Variants in PDPR observed in about 807,000 individuals in gnomAD.
The protein encoded by PDPR is pyruvate dehydrogenase phosphatase regulatory subunit, mitochondrial.
PDPR carries 50 observed loss-of-function variants against 102.2 expected under a neutral mutation model. That is an observed-to-expected ratio of 0.49 (90% CI 0.39 to 0.62). PDPR has a LOEUF of 0.62. PDPR is among the 20% of genes least tolerant of loss of function. The probability of loss-of-function intolerance (pLI) is 0.00; values close to 1 mark genes in which losing one functional copy is unlikely to be tolerated. For synonymous variants in PDPR, 259 were observed against 406.0 expected, an observed-to-expected ratio of 0.64 and a Z score of 4.35; for missense variants, 625 against 1,098.2, an observed-to-expected ratio of 0.57 and a Z score of 6.09.
Position 70,156,538 on chromosome 16 carries a change from C to T in PDPR, c.2299C>T (p.Leu767Phe), listed in dbSNP as rs760767822. The change falls in exon 19 of 19, where the codon CTC becomes TTC. Residue 767 changes from leucine to phenylalanine, a missense_variant. Leu to Phe is a conservative substitution (Grantham distance 22). Coordinates refer to ENST00000288050, the MANE Select transcript of PDPR (RefSeq NM_017990.5). ...QQKQNGVYKR[L>F]TMFILDDHDS... ...GAAGCAGAATGGAGTGTATAAACGC[C>T]TCACCATGTTCATCCTGGACGACCA... 6.8e-6 allele frequency: 11 copies of T among 1,613,980 alleles called. No homozygotes were observed. Among genetic ancestry groups the T allele is most frequent in the East Asian group, 2.2e-5 (1 of 44,904 alleles).
chr16:70,152,790 T>C (rs1243463797), intron 17 of PDPR, among the ~76,000 whole-genome samples: 2 of 152,406 alleles, frequency 1.3e-5, no homozygotes, highest in Non-Finnish European at 2.9e-5. Flanking sequence ...AAACCTTCTG[T>C]TCACTGATCT....
chr16:70,131,876 T>TA (rs1420150248), intron 8 of PDPR: 7 of 1,442,948 alleles, frequency 4.9e-6, no homozygotes, highest in African/African-American at 4.3e-5. Context: ...CAGTGGGAGT[T>TA]ACGTGGTTTG....
In PDPR at chr16:70,136,435, G is replaced by A. The variant is rs776578580; in HGVS notation, c.1190+49G>A. On this transcript the variant is annotated intron_variant, in intron 10 of 18. Transcript: ENST00000288050. ...AGCTGTGAACATAAGTCAACTTGCT[G>A]GGTCTCTTCCCTTCTAGAATTACTT... 32 of 1,362,980 alleles carry A rather than the reference G, an allele frequency of 2.3e-5. 1 individual carries two copies. The Admixed American group carries it at 6.1e-4, about 26-fold the overall frequency. 84.4% of individuals were successfully genotyped at this position (1,362,980 alleles called of 1,614,324 possible). A position where few individuals can be genotyped will look rare whatever the true frequency, so the allele number is the denominator to read the frequency against.
chr16:70,147,304 T>A lies in PDPR; in HGVS notation c.1962+1076T>A, dbSNP rs1333947385. Among the ~76,000 whole-genome samples, 5 of 151,378 alleles carry A rather than the reference T, an allele frequency of 3.3e-5. No individual in the cohort carries two copies. The East Asian group carries it at 9.7e-4, about 29-fold the overall frequency. On this transcript the variant is annotated intron_variant, in intron 16 of 18. Transcript: ENST00000288050. ...AGCATTAGGATATCTTTGAAGTGGA[T>A]TTAGCTTCTCTAAATGTAAAGTCTT... is the stretch of plus-strand genomic sequence containing the variant.
intron 3 of PDPR, among the ~76,000 whole-genome samples, chr16:70,123,145 A>G (rs879849359): frequency 1.8e-3 from 279 of 151,938 alleles, no homozygotes; most frequent in Non-Finnish European, 2.6e-3. Flanking sequence ...CAGCTGATCC[A>G]CCCGCCTCAG....
intron 17 of PDPR, among the ~76,000 whole-genome samples, chr16:70,151,990 A>G (rs1966773186): frequency 6.6e-6 from 1 of 152,284 alleles, no homozygotes. Flanking sequence ...ATCTGGCCCA[A>G]CACTAGTCAC....
At chr16:70,149,895 A>T (rs1966573447) in intron 17 of PDPR, among the ~76,000 whole-genome samples, 1 of 152,118 alleles carries the variant, frequency 6.6e-6, no homozygotes, top group African/African-American at 2.4e-5. Context: ...GGTTCACGCC[A>T]TTCTCCTGCC....
chr16:70,149,967 T>A (rs1966582324), intron 17 of PDPR, among the ~76,000 whole-genome samples: 1 of 152,058 alleles, frequency 6.6e-6, no homozygotes, highest in South Asian at 2.1e-4. Flanking sequence ...ATTTTTTGTA[T>A]TTTTCATAGA....
At chr16:70,115,414 G>C (rs542635553) in intron 2 of PDPR, among the ~76,000 whole-genome samples, 1 of 152,196 alleles carries the variant, frequency 6.6e-6, no homozygotes, top group African/African-American at 2.4e-5. Context: ...GAGCCACTGC[G>C]CTCGGCCAAC....
At chr16:70,152,922 C>T (rs948426115) in intron 17 of PDPR, among the ~76,000 whole-genome samples, 4 of 152,274 alleles carry the variant, frequency 2.6e-5, no homozygotes, top group African/African-American at 9.6e-5. Context: ...GTGCACACGT[C>T]TCGAGTAACG....
intron 18 of PDPR, among the ~76,000 whole-genome samples, chr16:70,154,990 G>A (rs1213098814): frequency 6.6e-6 from 1 of 152,128 alleles, no homozygotes; most frequent in Admixed American, 6.5e-5. Context: ...TCACAAGTTC[G>A]AGACCAGCCC....
chr16:70,118,316 A>T (rs1248683602), intron 2 of PDPR, among the ~76,000 whole-genome samples: 2 of 152,242 alleles, frequency 1.3e-5, no homozygotes, highest in African/African-American at 2.4e-5. Flanking sequence ...AGGGAATGAG[A>T]TGAGCCAGGT....
At chr16:70,132,444 T>G (rs1964634244) in intron 9 of PDPR, 144 bp downstream of exon 9, 1 of 735,698 alleles carries the variant, frequency 1.4e-6, no homozygotes, top group Non-Finnish European at 2.2e-6. Flanking sequence ...TGAGTTTGCC[T>G]GGTCTGAGGA....
intron 3 of PDPR, among the ~76,000 whole-genome samples, chr16:70,123,110 C>T (rs28755869): frequency 0.24 from 34,978 of 146,478 alleles, 1,152 homozygotes; most frequent in Non-Finnish European, 0.31. Context: ...CCATGTTGGC[C>T]AGGCAGGTCT....
chr16:70,135,572 C>T (rs1312454878), intron 9 of PDPR, among the ~76,000 whole-genome samples: 14 of 152,384 alleles, frequency 9.2e-5, no homozygotes, highest in Non-Finnish European at 1.9e-4. Context: ...TCTGTGGCCG[C>T]CATTTAAGAG....
intron 6 of PDPR, among the ~76,000 whole-genome samples, chr16:70,129,871 T>C (rs1313567292): frequency 1.3e-5 from 2 of 152,282 alleles, no homozygotes; most frequent in Non-Finnish European, 2.9e-5. Context: ...CTCCATAGTT[T>C]ATGATTCCAG....
intron 18 of PDPR, among the ~76,000 whole-genome samples, chr16:70,155,933 T>C (rs1243023585): frequency 6.6e-6 from 1 of 151,852 alleles, no homozygotes; most frequent in Non-Finnish European, 1.5e-5. Context: ...CTCCCTAGAA[T>C]TATAGGCACA....
In PDPR at chr16:70,157,290, G is replaced by A; in HGVS notation, c.*411G>A. ...CTCTCCCTTGGGTTCCATTTTCTTG[G>A]AGCAGCCTATTAGTTCTGGTGGGGT... On this transcript the variant is annotated 3_prime_UTR_variant, in exon 19 of 19. Transcript: ENST00000288050. 2.2e-6 allele frequency: 1 copy of A among 448,864 alleles called. No homozygotes were observed. The highest frequency in any genetic ancestry group is 4.4e-6 in the Non-Finnish European group (1 of 228,008). The allele number at this position is 448,864 out of a possible 1,614,324, so 27.8% of individuals were successfully genotyped here. A position where few individuals can be genotyped will look rare whatever the true frequency, so the allele number is the denominator to read the frequency against.
rs1966843035 is a variant in PDPR, at chr16:70,153,243, T to C, written c.2053-148T>C. The C allele has an allele frequency of 8.8e-6, 8 of 912,258 alleles. 1 individual carries two copies. The highest frequency in any genetic ancestry group is 1.3e-5 in the Non-Finnish European group (8 of 613,820). The allele number at this position is 912,258 out of a possible 1,614,324, so 56.5% of individuals were successfully genotyped here. On this transcript the variant is annotated intron_variant, in intron 17 of 18. Transcript: ENST00000288050. Reference sequence around the variant, plus strand: ...AGCTCATCACTCCTGGGCTGTGCCCTGAGCGTGTCAAGGATGAGACATCCT... The same window carrying C: ...AGCTCATCACTCCTGGGCTGTGCCCCGAGCGTGTCAAGGATGAGACATCCT...
Sources: allele counts gnomAD v4.1 joint callset (sites outside exome capture counted in the v4.1 genomes callset), GRCh38; gene constraint gnomAD v4.1.1; transcripts MANE v1.5; gene names NCBI Gene and HGNC (gene_info 2026-07-23, HGNC 2026-07-21).